The following NELFA variants were observed in gnomAD, a reference collection of about 807,000 sequenced individuals.
NELFA encodes the protein negative elongation factor A.
A neutral mutation model predicts 51.8 loss-of-function variants in NELFA; 35 were observed. The ratio of observed to expected loss-of-function variants is 0.68; its 90% CI spans 0.52 to 0.90. The LOEUF is 0.90. Ranked by LOEUF, NELFA falls within the 40% of genes least tolerant of loss-of-function variation. The pLI is 0.00. For missense variants in NELFA, 658 were observed against 746.4 expected, an observed-to-expected ratio of 0.88 and a Z score of 1.38; for synonymous variants, 417 against 338.4, an observed-to-expected ratio of 1.23 and a Z score of -2.55.
chr4:1,985,018 C>A (rs1577610959), intron 7 of NELFA, 99 bp from the exon 8 acceptor site: 4 of 845,638 alleles, frequency 4.7e-6, no homozygotes, highest in African/African-American at 1.7e-5. Context: ...CAGGCTGTGG[C>A]CCCCCGAGCT....
At chr4:1,990,083 G>A (rs1728228374) in intron 2 of NELFA, 1 of 591,574 alleles carries the variant, frequency 1.7e-6, no homozygotes, top group Admixed American at 3.0e-5. Flanking sequence ...AGGCGGGCAT[G>A]CCTTGAGAGG....
chr4:1,983,779 C>A, intron 9 of NELFA, 69 bp downstream of exon 9: 2 of 1,595,308 alleles, frequency 1.3e-6, no homozygotes, highest in African/African-American at 1.3e-5. Context: ...GGCACCCCCA[C>A]GCTAGGGGAG....
chr4:1,992,555 G>T, intron 1 of NELFA: 1 of 345,442 alleles, frequency 2.9e-6, no homozygotes, highest in African/African-American at 2.2e-5. Flanking sequence ...GCTGGCTGGC[G>T]CTGGGGGTGA....
At chr4:1,985,210 C>T (rs1008124631) in intron 7 of NELFA, among the ~76,000 whole-genome samples, 1 of 152,288 alleles carries the variant, frequency 6.6e-6, no homozygotes, top group South Asian at 2.1e-4. Flanking sequence ...TACCACGAAG[C>T]GTTGATATAA....
intron 1 of NELFA, among the ~76,000 whole-genome samples, chr4:2,005,321 A>G (rs573657361): frequency 6.6e-6 from 1 of 152,272 alleles, no homozygotes; most frequent in East Asian, 1.9e-4. Flanking sequence ...GAAAAAAAAC[A>G]AAAGGTAATT....
In NELFA at chr4:1,983,842, A is replaced by G; in HGVS notation, c.1302+6T>C. On this transcript the variant is annotated splice_donor_region_variant and intron_variant, in intron 9 of 10. Transcript: ENST00000382882. ...TGGCCTGTGGGCCCTACCAGTGTAC[A>G]CCTACCGTGAGGGACAGGTTCTTCT... is the stretch of plus-strand genomic sequence containing the variant. 1.9e-6 allele frequency: 3 copies of G among 1,572,180 alleles called. No homozygotes were observed. The highest frequency in any genetic ancestry group is 1.2e-5 in the South Asian group (1 of 83,814).
intron 3 of NELFA, among the ~76,000 whole-genome samples, chr4:1,988,632 T>C (rs1342448990): frequency 6.6e-6 from 1 of 152,258 alleles, no homozygotes; most frequent in Non-Finnish European, 1.5e-5. Context: ...CTGTCAGCCT[T>C]TTATTTGGAT....
chr4:1,984,121 T>G lies in NELFA; in HGVS notation c.1037-8A>C, dbSNP rs891822076. The G allele has an allele frequency of 1.3e-6, 2 of 1,546,172 alleles. No homozygotes were observed. The highest frequency in any genetic ancestry group is 1.7e-6 in the Non-Finnish European group (2 of 1,153,728). ...CTTCCCGGGAAGATGGGGCTGCAAG[T>G]AGACCGGGGCCTGGTGAGGGGGCTG... On this transcript the variant is annotated splice_polypyrimidine_tract_variant and splice_region_variant and intron_variant, in intron 8 of 10. Transcript: ENST00000382882.
intron 1 of NELFA, among the ~76,000 whole-genome samples, chr4:1,999,564 T>C (rs1728518639): frequency 6.6e-6 from 1 of 152,092 alleles, no homozygotes; most frequent in Non-Finnish European, 1.5e-5. Flanking sequence ...TACACAATGG[T>C]AAAGGGAACA....
intron 1 of NELFA, among the ~76,000 whole-genome samples, chr4:1,992,788 G>A (rs1415310249): frequency 6.6e-6 from 1 of 152,206 alleles, no homozygotes; most frequent in African/African-American, 2.4e-5. Context: ...TTGGCTCGAA[G>A]GGCAGAGATC....
At chr4:1,985,340 C>T (rs1728052458) in intron 7 of NELFA, among the ~76,000 whole-genome samples, 1 of 152,240 alleles carries the variant, frequency 6.6e-6, no homozygotes, top group South Asian at 2.1e-4. Context: ...CGACCCACTG[C>T]AGCCTCTGTG....
chr4:1,982,997 TAAGA>T lies in NELFA; in HGVS notation c.*318_*321del. ...GGAAAATAGAAAAGATTTTAAAAAG[TAAGA>T]GTCTAACAGGCAGAGCTGTCACTAA... On this transcript the variant is annotated 3_prime_UTR_variant, in exon 11 of 11. Coordinates refer to ENST00000382882, the MANE Select transcript of NELFA (RefSeq NM_005663.5). The T allele has an allele frequency of 5.0e-6, 1 of 201,786 alleles. No individual in the cohort carries two copies. 12.5% of individuals were successfully genotyped at this position (201,786 alleles called of 1,614,324 possible). A position where few individuals can be genotyped will look rare whatever the true frequency, so the allele number is the denominator to read the frequency against.
At position 1,991,686 on chromosome 4, in the gene NELFA, C is replaced by G; in HGVS notation, c.240G>C (p.Gln80His). The change falls in exon 2 of 11, where the codon CAG becomes CAC. Residue 80 changes from glutamine to histidine, a missense_variant. Coordinates refer to ENST00000382882, the MANE Select transcript of NELFA (RefSeq NM_005663.5). ...AGGGGTCCGAGTCGAGGCTGGCGAGCTGGATGATCTCCATTAGGGCGCCCT... is the reference window on the plus strand; with the variant it reads ...AGGGGTCCGAGTCGAGGCTGGCGAGGTGGATGATCTCCATTAGGGCGCCCT... The part of the protein sequence containing the change: ...EMKGALMEII[Q>H]LASLDSDPWV... The G allele has an allele frequency of 1.2e-6, 2 of 1,611,278 alleles. No homozygotes were observed. The highest frequency in any genetic ancestry group is 1.7e-6 in the Non-Finnish European group (2 of 1,178,964).
chr4:1,988,257 G>T lies in NELFA; in HGVS notation c.545-250C>A, dbSNP rs371277842. Among the ~76,000 whole-genome samples, 196 of 152,338 alleles carry T rather than the reference G, an allele frequency of 1.3e-3. 3 individuals carry two copies. In the East Asian group the frequency reaches 0.026, roughly 20 times the overall value. The stretch of plus-strand genomic sequence containing the variant: ...TGCACCTCCCAGGACCCCATGGCAG[G>T]GGGGAGGCAGCCGAGGAGGAGCTGA... On this transcript the variant is annotated intron_variant, in intron 3 of 10. Coordinates refer to ENST00000382882, the MANE Select transcript of NELFA (RefSeq NM_005663.5).
At position 1,986,402 on chromosome 4, in the gene NELFA, G is replaced by A. The variant is rs750550938; in HGVS notation, c.635C>T (p.Thr212Ile). ...CTGCTTCGGGATGCCTTTGAGTGGG[G>A]CTGGAGGACGGCAACAGTCAGGGCG... The part of the protein sequence containing the change: ...RGLLRKMDTT[T>I]PLKGIPKQAP... Residue 212 changes from threonine to isoleucine, a missense_variant and splice_region_variant, in exon 5 of 11, where the codon ACC becomes ATC. By Grantham distance (89) the Thr-to-Ile change is moderately conservative. Coordinates refer to ENST00000382882, the MANE Select transcript of NELFA (RefSeq NM_005663.5). 1.4e-5 allele frequency: 23 copies of A among 1,612,406 alleles called. 1 individual carries two copies. In the South Asian group the frequency reaches 2.5e-4, roughly 18 times the overall value.
At chr4:2,007,445 G>A (rs1445958243) in intron 1 of NELFA, among the ~76,000 whole-genome samples, 1 of 152,196 alleles carries the variant, frequency 6.6e-6, no homozygotes. Context: ...ACGCAGCAGT[G>A]AAAATTAAAC....
chr4:1,997,587 A>C (rs777533350), intron 1 of NELFA, among the ~76,000 whole-genome samples: 2 of 152,270 alleles, frequency 1.3e-5, no homozygotes, highest in Non-Finnish European at 2.9e-5. Flanking sequence ...TAGGATCGCT[A>C]TATCAAAAAG....
chr4:1,991,283 G>A (rs566013767), intron 2 of NELFA, among the ~76,000 whole-genome samples: 2 of 152,170 alleles, frequency 1.3e-5, no homozygotes, highest in Admixed American at 6.5e-5. Context: ...AGAGAGAGAC[G>A]GCGAGTGGCG....
intron 3 of NELFA, 108 bp from the exon 4 acceptor site, chr4:1,988,115 G>T (rs142956865): frequency 1.1e-6 from 1 of 895,562 alleles, no homozygotes; most frequent in Non-Finnish European, 1.7e-6. Context: ...AGCCGTGAAC[G>T]CTGCATTCTC....
Sources: allele counts gnomAD v4.1 joint callset (sites outside exome capture counted in the v4.1 genomes callset), GRCh38; gene constraint gnomAD v4.1.1; transcripts MANE v1.5; gene names NCBI Gene and HGNC (gene_info 2026-07-23, HGNC 2026-07-21).